Variants in ADGB observed in about 807,000 individuals in gnomAD.
The protein encoded by ADGB is calpain-7-like protein.
Under a neutral mutation model 210.5 loss-of-function variants are expected in ADGB, and 172 were observed. That is an observed-to-expected ratio of 0.82 (90% CI 0.72 to 0.93). The LOEUF (loss-of-function observed/expected upper bound fraction) is 0.93. Among genes scored for constraint, ADGB ranks in the 40% least tolerant of loss-of-function variants. The pLI is 0.00. For synonymous variants in ADGB, 658 were observed against 662.7 expected, an observed-to-expected ratio of 0.99 and a Z score of 0.11; for missense variants, 2,025 against 1,964.8, an observed-to-expected ratio of 1.03 and a Z score of -0.58.
chr6:146,772,809 T>C (rs1403239098), intron 29 of ADGB, among the ~76,000 whole-genome samples: 1 of 151,940 alleles, frequency 6.6e-6, no homozygotes, highest in Non-Finnish European at 1.5e-5. Flanking sequence ...AAATGACACC[T>C]TGAAATGTGT....
chr6:146,708,708 T>A (rs1776613904), intron 13 of ADGB, among the ~76,000 whole-genome samples: 1 of 152,102 alleles, frequency 6.6e-6, no homozygotes, highest in Non-Finnish European at 1.5e-5. Flanking sequence ...TAAATCTGAT[T>A]TTGAAGACCT....
rs576976085 is a variant in ADGB, at chr6:146,694,540, C to G, written c.1577+1625C>G. Among the ~76,000 whole-genome samples the G allele has an allele frequency of 3.3e-5, 5 of 152,308 alleles. No homozygotes were observed. In the South Asian group the frequency reaches 1.0e-3, roughly 32 times the overall value. On this transcript the variant is annotated intron_variant, in intron 12 of 35. Transcript: ENST00000397944. ...GATGGCAGAAGTATATACACACCTT[C>G]AGACCATAGCACCTTCCTTCCCCTT...
intron 29 of ADGB, chr6:146,770,742 A>C: frequency 2.7e-6 from 1 of 369,442 alleles, no homozygotes; most frequent in Non-Finnish European, 5.8e-6. Context: ...AAGTGGTAGC[A>C]CTGGGGCCAC....
intron 5 of ADGB, among the ~76,000 whole-genome samples, chr6:146,661,220 CT>C (rs5880682): frequency 0.091 from 10,561 of 115,876 alleles, 705 homozygotes; most frequent in African/African-American, 0.23. Context: ...TTCTTTTTTT[CT>C]TTTTTTTTTT....
rs1450701532 is a variant in ADGB at position 146,697,591 on chromosome 6, T to C, written c.1578-3350T>C. Among the ~76,000 whole-genome samples the C allele has an allele frequency of 2.0e-5, 3 of 151,700 alleles. No individual in the cohort carries two copies. The East Asian group carries it at 5.8e-4, about 29-fold the overall frequency. The stretch of plus-strand genomic sequence containing the variant: ...GCAAAGTTGAAAATAGATTAGAAGA[T>C]AATATCCAGACTAAAGCATGGAGAC... On this transcript the variant is annotated intron_variant, in intron 12 of 35. Transcript: ENST00000397944.
chr6:146,670,329 GTC>G (rs1195820308), intron 7 of ADGB, among the ~76,000 whole-genome samples: 1 of 152,154 alleles, frequency 6.6e-6, no homozygotes, highest in Non-Finnish European at 1.5e-5. Context: ...GATTCACACA[GTC>G]TCTGACCTCA....
intron 2 of ADGB, among the ~76,000 whole-genome samples, chr6:146,640,790 C>T (rs529777277): frequency 6.7e-4 from 102 of 152,048 alleles, no homozygotes; most frequent in African/African-American, 2.4e-3. Context: ...CTATGATAAA[C>T]TCATAGCCAA....
rs117713923 is a variant in ADGB, at chr6:146,758,924, T to C, written c.3551-4977T>C. ...AGAACTATTATTGTACATTAGATAA[T>C]TTCTTCATTTAGACTTCAAACAGGG... On this transcript the variant is annotated intron_variant, in intron 27 of 35. Coordinates refer to ENST00000397944, the MANE Select transcript of ADGB (RefSeq NM_024694.4). Among the ~76,000 whole-genome samples the C allele has an allele frequency of 3.8e-3, 576 of 152,140 alleles. 3 individuals carry two copies. Among genetic ancestry groups the C allele is most frequent in the Admixed American group, 9.5e-3 (144 of 15,234 alleles).
At chr6:146,611,845 G>A (rs1780716115) in intron 1 of ADGB, among the ~76,000 whole-genome samples, 1 of 152,090 alleles carries the variant, frequency 6.6e-6, no homozygotes, top group South Asian at 2.1e-4. Flanking sequence ...GGGTTCTGCA[G>A]ATCTATTTTT....
chr6:146,798,168 A>G (rs1583644075), intron 33 of ADGB, among the ~76,000 whole-genome samples: 1 of 152,284 alleles, frequency 6.6e-6, no homozygotes, highest in African/African-American at 2.4e-5. Flanking sequence ...TAAAACAAAT[A>G]CAAAAGGAAG....
intron 23 of ADGB, among the ~76,000 whole-genome samples, chr6:146,737,085 C>T (rs1297445863): frequency 6.6e-6 from 1 of 151,504 alleles, no homozygotes; most frequent in African/African-American, 2.4e-5. Context: ...ATATACACAC[C>T]ATACATTATG....
intron 33 of ADGB, among the ~76,000 whole-genome samples, chr6:146,800,389 C>T (rs1255383764): frequency 6.6e-6 from 1 of 152,132 alleles, no homozygotes; most frequent in Non-Finnish European, 1.5e-5. Flanking sequence ...TTATAGGACA[C>T]AAGAGAGATC....
At chr6:146,691,766 G>A (rs1333111100) in intron 11 of ADGB, among the ~76,000 whole-genome samples, 2 of 151,412 alleles carry the variant, frequency 1.3e-5, no homozygotes, top group African/African-American at 4.9e-5. Context: ...ATTCTTTTGA[G>A]TTATGGCGAT....
At chr6:146,802,033 T>C (rs1404267308) in intron 35 of ADGB, 22 bp downstream of exon 35, 2 of 1,415,658 alleles carry the variant, frequency 1.4e-6, no homozygotes, top group Admixed American at 3.4e-5. Flanking sequence ...AGCACATACA[T>C]AGATTATAGT....
chr6:146,703,988 C>T (rs1776531878), intron 13 of ADGB, among the ~76,000 whole-genome samples: 2 of 151,586 alleles, frequency 1.3e-5, no homozygotes, highest in Non-Finnish European at 3.0e-5. Flanking sequence ...TTTGTATTCT[C>T]GATAACAGCC....
intron 35 of ADGB, among the ~76,000 whole-genome samples, chr6:146,804,805 AC>A (rs1778187058): frequency 6.6e-6 from 1 of 152,002 alleles, no homozygotes; most frequent in South Asian, 2.1e-4. Flanking sequence ...TGGTAACAAA[AC>A]CCCCAATATC....
intron 10 of ADGB, among the ~76,000 whole-genome samples, chr6:146,690,298 A>T (rs1466810902): frequency 1.3e-5 from 2 of 152,186 alleles, no homozygotes; most frequent in African/African-American, 4.8e-5. Context: ...CATAGAAATC[A>T]TTGAGACAAC....
At chr6:146,734,399 GTC>G in intron 22 of ADGB, among the ~76,000 whole-genome samples, 1 of 152,308 alleles carries the variant, frequency 6.6e-6, no homozygotes, top group East Asian at 1.9e-4. Context: ...CCTCAGCTAA[GTC>G]ATAGATATTT....
chr6:146,761,107 ATTGGAG>A (rs1235912344), intron 27 of ADGB, among the ~76,000 whole-genome samples: 3 of 152,100 alleles, frequency 2.0e-5, no homozygotes, highest in South Asian at 2.1e-4. Context: ...TTTTTATAAA[ATTGGAG>A]TTGTTAAAAA....
Sources: gnomAD v4.1 joint callset for allele counts (sites outside exome capture counted in the v4.1 genomes callset) on GRCh38, gnomAD v4.1.1 for gene constraint, MANE v1.5 for transcripts, NCBI Gene and HGNC (gene_info 2026-07-23, HGNC 2026-07-21) for gene names.